Variants in NHEJ1 observed in about 807,000 individuals in gnomAD.
NHEJ1 encodes the protein non-homologous end-joining factor 1.
In NHEJ1, 22 loss-of-function variants were observed where a neutral mutation model predicts 39.4. The observed-to-expected ratio is 0.56, with a 90% CI of 0.40 to 0.80. NHEJ1 has a LOEUF of 0.80. Among genes scored for constraint, NHEJ1 ranks in the 30% least tolerant of loss-of-function variants. The pLI, the probability that NHEJ1 is intolerant of heterozygous loss-of-function variation, is 0.00. For synonymous variants in NHEJ1, 154 were observed against 135.6 expected (o/e 1.14, Z -0.94); for missense variants, 329 against 357.1 (o/e 0.92, Z 0.63).
At chr2:219,154,845 C>T (rs1021565576) in intron 3 of NHEJ1, among the ~76,000 whole-genome samples, 6 of 147,680 alleles carry the variant, frequency 4.1e-5, no homozygotes, top group Non-Finnish European at 7.4e-5. Context: ...TCTTTACATA[C>T]TTTTATATTA....
At chr2:219,114,528 C>G (rs1224389110) in intron 5 of NHEJ1, among the ~76,000 whole-genome samples, 1 of 152,124 alleles carries the variant, frequency 6.6e-6, no homozygotes, top group African/African-American at 2.4e-5. Context: ...CTCCATAGGC[C>G]TACAAGAGGT....
At chr2:219,090,430 T>C (rs920716920) in intron 5 of NHEJ1, among the ~76,000 whole-genome samples, 1 of 152,202 alleles carries the variant, frequency 6.6e-6, no homozygotes, top group Non-Finnish European at 1.5e-5. Context: ...TAGGAAGGGC[T>C]CAATAAATAT....
Position 219,120,532 on chromosome 2 carries a change from A to G in NHEJ1, c.588+26148T>C, listed in dbSNP as rs1949461610. 2.6e-5 allele frequency among the ~76,000 whole-genome samples: 4 copies of G among 152,150 alleles called. No homozygotes were observed. The South Asian group carries it at 8.3e-4, about 31-fold the overall frequency. On this transcript the variant is annotated intron_variant, in intron 5 of 7. Transcript: ENST00000356853. ...TTCTTTCTGGCTATGTTTTTTCCCTAAACCCCATTCCTGGACCTAACTCTA... is the reference window on the plus strand; with the variant it reads ...TTCTTTCTGGCTATGTTTTTTCCCTGAACCCCATTCCTGGACCTAACTCTA...
rs187209345 is a variant in NHEJ1 at position 219,070,145 on chromosome 2, G to A, written c.*6236C>T. On this transcript the variant is annotated 3_prime_UTR_variant, in exon 8 of 8. Transcript: ENST00000356853. Reference sequence around the variant, plus strand: ...AAGCCCACAATCTGCCACAGCCTCCGGAGTACCTGGGACTACAGGCGCACA... The same window carrying A: ...AAGCCCACAATCTGCCACAGCCTCCAGAGTACCTGGGACTACAGGCGCACA... Among the ~76,000 whole-genome samples, 212 of 152,204 alleles carry A rather than the reference G, an allele frequency of 1.4e-3. 1 individual carries two copies. Among genetic ancestry groups the A allele is most frequent in the African/African-American group, 4.9e-3 (203 of 41,534 alleles).
At chr2:219,154,256 A>G (rs1490148860) in intron 3 of NHEJ1, among the ~76,000 whole-genome samples, 1 of 152,196 alleles carries the variant, frequency 6.6e-6, no homozygotes, top group Non-Finnish European at 1.5e-5. Context: ...GCATGATACT[A>G]TTTGTCAAAA....
intron 5 of NHEJ1, among the ~76,000 whole-genome samples, chr2:219,144,242 C>T (rs1364130341): frequency 1.3e-5 from 2 of 152,110 alleles, no homozygotes; most frequent in African/African-American, 2.4e-5. Flanking sequence ...CTAGCATAGA[C>T]TTATCAAAAT....
chr2:219,095,409 C>T (rs752402523), intron 5 of NHEJ1: 69 of 462,390 alleles, frequency 1.5e-4, no homozygotes, highest in Non-Finnish European at 2.6e-4. Flanking sequence ...TAAAAGATCT[C>T]ACCATCAAGT....
At chr2:219,130,956 G>A (rs1262207302) in intron 5 of NHEJ1, among the ~76,000 whole-genome samples, 2 of 152,104 alleles carry the variant, frequency 1.3e-5, no homozygotes, top group Non-Finnish European at 2.9e-5. Flanking sequence ...GCTAGGCATG[G>A]TGGTACATGC....
intron 2 of NHEJ1, 77 bp downstream of exon 2, chr2:219,158,109 T>C (rs1184604324): frequency 4.0e-6 from 6 of 1,494,372 alleles, no homozygotes; most frequent in Admixed American, 1.7e-5. Flanking sequence ...CGATTCAACC[T>C]TCCTTGGGAA....
chr2:219,106,518 A>G (rs1298747561), intron 5 of NHEJ1, among the ~76,000 whole-genome samples: 1 of 152,210 alleles, frequency 6.6e-6, no homozygotes, highest in Non-Finnish European at 1.5e-5. Flanking sequence ...TGTGACAGAA[A>G]GCCAAGCAAA....
chr2:219,134,598 C>T (rs2106353046), intron 5 of NHEJ1, among the ~76,000 whole-genome samples: 1 of 152,278 alleles, frequency 6.6e-6, no homozygotes, highest in East Asian at 1.9e-4. Flanking sequence ...GCTAAAGATC[C>T]ATCCATTCTC....
intron 5 of NHEJ1, among the ~76,000 whole-genome samples, chr2:219,085,129 G>C (rs1231127559): frequency 6.6e-6 from 1 of 152,212 alleles, no homozygotes; most frequent in Non-Finnish European, 1.5e-5. Context: ...CATAAAAATA[G>C]CTAACAGTCA....
chr2:219,147,258 T>A (rs958494387), intron 4 of NHEJ1, among the ~76,000 whole-genome samples: 3 of 152,128 alleles, frequency 2.0e-5, no homozygotes, highest in Non-Finnish European at 4.4e-5. Flanking sequence ...GGCAGGCAGA[T>A]CACTTGAGGT....
chr2:219,102,275 G>A (rs1001224643), intron 5 of NHEJ1, among the ~76,000 whole-genome samples: 4 of 152,174 alleles, frequency 2.6e-5, no homozygotes, highest in African/African-American at 7.2e-5. Context: ...ATTGCATAAA[G>A]TACCCAATTC....
At chr2:219,089,393 T>C (rs1427429220) in intron 5 of NHEJ1, among the ~76,000 whole-genome samples, 1 of 152,244 alleles carries the variant, frequency 6.6e-6, no homozygotes, top group African/African-American at 2.4e-5. Flanking sequence ...TACAATGGTA[T>C]ATTGTTCTAC....
intron 5 of NHEJ1, among the ~76,000 whole-genome samples, chr2:219,144,803 C>G (rs1439347251): frequency 6.6e-6 from 1 of 152,088 alleles, no homozygotes; most frequent in East Asian, 1.9e-4. Flanking sequence ...CATGTTATCC[C>G]CAGCCTTGAT....
chr2:219,083,747 C>G (rs543853332), intron 5 of NHEJ1, among the ~76,000 whole-genome samples: 1 of 152,288 alleles, frequency 6.6e-6, no homozygotes, highest in African/African-American at 2.4e-5. Context: ...CTTCCCTTTG[C>G]AAGGCACATT....
At chr2:219,078,252 G>A in intron 5 of NHEJ1, 46 bp from the exon 6 acceptor site, 1 of 1,506,634 alleles carries the variant, frequency 6.6e-7, no homozygotes, top group Non-Finnish European at 9.2e-7. Flanking sequence ...TGTATTGCTA[G>A]AGAAGCGATC....
At chr2:219,128,672 C>T (rs1949547112) in intron 5 of NHEJ1, among the ~76,000 whole-genome samples, 2 of 152,310 alleles carry the variant, frequency 1.3e-5, no homozygotes, top group South Asian at 4.1e-4. Flanking sequence ...CTGCAAGAAG[C>T]CTCTCCTTGA....
Sources: allele counts gnomAD v4.1 joint callset (sites outside exome capture counted in the v4.1 genomes callset), GRCh38; gene constraint gnomAD v4.1.1; transcripts MANE v1.5; gene names NCBI Gene and HGNC (gene_info 2026-07-23, HGNC 2026-07-21).